The following OSBPL10 variants were observed in gnomAD, a reference collection of about 807,000 sequenced individuals.
OSBPL10 encodes oxysterol binding protein like 10, also known as oxysterol-binding protein-related protein 10.
A neutral mutation model predicts 81.7 loss-of-function variants in OSBPL10; 49 were observed. The observed-to-expected ratio is 0.60, with a 90% CI of 0.48 to 0.76. The LOEUF (loss-of-function observed/expected upper bound fraction) is 0.76. Among genes scored for constraint, OSBPL10 ranks in the 30% least tolerant of loss-of-function variants. The probability of loss-of-function intolerance (pLI) is 0.00; values close to 1 mark genes in which losing one functional copy is unlikely to be tolerated. For missense variants in OSBPL10, 923 were observed against 987.8 expected (o/e 0.93, Z 0.88); for synonymous variants, 419 against 383.6 (o/e 1.09, Z -1.08).
At chr3:31,778,975 T>C (rs541897425) in intron 4 of OSBPL10, among the ~76,000 whole-genome samples, 1 of 152,286 alleles carries the variant, frequency 6.6e-6, no homozygotes, top group South Asian at 2.1e-4. Flanking sequence ...CTAAGCTTCA[T>C]AAATGAAGGA....
chr3:32,017,467 A>T (rs183069347), intron 2 of OSBPL10, among the ~76,000 whole-genome samples: 21 of 152,304 alleles, frequency 1.4e-4, no homozygotes, highest in Admixed American at 5.2e-4. Context: ...ATGCTTAAAT[A>T]ACTTACCTAA....
rs151266506 is a variant in OSBPL10 at position 31,871,604 on chromosome 3, C to G, written c.537+4829G>C. On this transcript the variant is annotated intron_variant, in intron 3 of 11. Transcript: ENST00000396556. ...AACTACAAGAAGCCAGGCTCAGTGGCTCATGCCTATAATCCCAGCACTTTG... is the reference window on the plus strand; with the variant it reads ...AACTACAAGAAGCCAGGCTCAGTGGGTCATGCCTATAATCCCAGCACTTTG... Among the ~76,000 whole-genome samples, 611 of 152,332 alleles carry G rather than the reference C, an allele frequency of 4.0e-3. 3 individuals carry two copies. The highest frequency in any genetic ancestry group is 0.014 in the African/African-American group (592 of 41,570).
At chr3:31,782,223 T>C (rs1027029273) in intron 4 of OSBPL10, among the ~76,000 whole-genome samples, 3 of 152,218 alleles carry the variant, frequency 2.0e-5, no homozygotes, top group African/African-American at 7.2e-5. Context: ...ATGGGATAAT[T>C]GGCAAACCAC....
At chr3:31,762,630 A>ATTTTTTTCTTTTTTTTTTTTTTT (rs1698080971) in intron 4 of OSBPL10, among the ~76,000 whole-genome samples, 1 of 61,514 alleles carries the variant, frequency 1.6e-5, no homozygotes, top group Non-Finnish European at 2.7e-5. Context: ...CATGCCCAGC[A>ATTTTTTTCTTTTTTTTTTTTTTT]TTTTTTTTTT....
chr3:31,946,859 A>G (rs560538410), intron 1 of OSBPL10, among the ~76,000 whole-genome samples: 57 of 152,150 alleles, frequency 3.7e-4, no homozygotes, highest in Non-Finnish European at 6.5e-4. Context: ...GCCTAGAAGA[A>G]GAGGAGCTTG....
intron 6 of OSBPL10, among the ~76,000 whole-genome samples, chr3:31,720,767 G>A (rs1365924267): frequency 6.6e-6 from 1 of 151,642 alleles, no homozygotes; most frequent in Admixed American, 6.6e-5. Context: ...GGGCGTGGTG[G>A]TGGGTGCCTG....
At chr3:32,072,313 A>G (rs944856568) in intron 1 of OSBPL10, among the ~76,000 whole-genome samples, 1 of 150,600 alleles carries the variant, frequency 6.6e-6, no homozygotes, top group East Asian at 1.9e-4. Context: ...CCCATTGCTC[A>G]GGGCAATGCT....
At chr3:31,674,897 C>T (rs748627515) in intron 8 of OSBPL10, among the ~76,000 whole-genome samples, 1 of 152,220 alleles carries the variant, frequency 6.6e-6, no homozygotes, top group Non-Finnish European at 1.5e-5. Flanking sequence ...CTCTGCCCAA[C>T]GGCAGGCTCA....
chr3:31,755,546 G>C (rs117249263), intron 4 of OSBPL10, among the ~76,000 whole-genome samples: 1 of 152,258 alleles, frequency 6.6e-6, no homozygotes, highest in East Asian at 1.9e-4. Context: ...GAGGCTGACC[G>C]TCACTAAGTG....
chr3:32,055,267 G>A, intron 1 of OSBPL10, among the ~76,000 whole-genome samples: 1 of 138,050 alleles, frequency 7.2e-6, no homozygotes, highest in East Asian at 2.4e-4. Flanking sequence ...GCAGTGGCGG[G>A]ATCTCGGCTC....
At chr3:31,781,788 T>G (rs113461723) in intron 4 of OSBPL10, among the ~76,000 whole-genome samples, 1 of 152,154 alleles carries the variant, frequency 6.6e-6, no homozygotes, top group Non-Finnish European at 1.5e-5. Flanking sequence ...TAGAGAACAC[T>G]GCTGAAAGAA....
intron 4 of OSBPL10, among the ~76,000 whole-genome samples, chr3:31,768,138 G>A (rs1345436931): frequency 6.6e-6 from 1 of 152,168 alleles, no homozygotes; most frequent in Admixed American, 6.5e-5. Flanking sequence ...GTAGTTTCCA[G>A]ACATTGCCAT....
At chr3:31,844,691 G>A (rs1160389826) in intron 3 of OSBPL10, among the ~76,000 whole-genome samples, 1 of 152,198 alleles carries the variant, frequency 6.6e-6, no homozygotes, top group Non-Finnish European at 1.5e-5. Context: ...TTATTTTGTG[G>A]TAGCAAAAAT....
chr3:31,702,310 G>C (rs1380321939), intron 7 of OSBPL10, 49 bp downstream of exon 7: 1 of 1,599,036 alleles, frequency 6.3e-7, no homozygotes, highest in Non-Finnish European at 8.6e-7. Flanking sequence ...TGAGGATAGA[G>C]ACAGAACCCC....
At chr3:31,964,949 C>G (rs1698272010) in intron 1 of OSBPL10, among the ~76,000 whole-genome samples, 1 of 152,120 alleles carries the variant, frequency 6.6e-6, no homozygotes, top group South Asian at 2.1e-4. Context: ...TAAAGTCAGT[C>G]ATGATATAGA....
At chr3:31,797,847 A>G (rs1273435167) in intron 4 of OSBPL10, 1 of 454,646 alleles carries the variant, frequency 2.2e-6, no homozygotes. Context: ...TTCACCTATA[A>G]AAATGGGGAT....
intron 2 of OSBPL10, among the ~76,000 whole-genome samples, chr3:31,988,467 T>A (rs1447338271): frequency 6.6e-6 from 1 of 152,168 alleles, no homozygotes. Context: ...TAGATTCCTC[T>A]CCTTTAGAGG....
chr3:31,684,813 G>C (rs1334913953), intron 7 of OSBPL10, among the ~76,000 whole-genome samples: 1 of 152,212 alleles, frequency 6.6e-6, no homozygotes, highest in Non-Finnish European at 1.5e-5. Context: ...TGGTCCAGGA[G>C]AAACCAGTGG....
chr3:31,667,010 C>A (rs1700208083), intron 10 of OSBPL10, among the ~76,000 whole-genome samples: 1 of 152,182 alleles, frequency 6.6e-6, no homozygotes, highest in Non-Finnish European at 1.5e-5. Context: ...AGACTCCATC[C>A]CTGCTCTAAG....
Sources: allele counts gnomAD v4.1 joint callset (sites outside exome capture counted in the v4.1 genomes callset), GRCh38; gene constraint gnomAD v4.1.1; transcripts MANE v1.5; gene names NCBI Gene and HGNC (gene_info 2026-07-23, HGNC 2026-07-21).